The following HPS4 variants were observed in gnomAD, a reference collection of about 807,000 sequenced individuals.
HPS4 encodes BLOC-3 complex member HPS4.
HPS4 carries 44 observed loss-of-function variants against 70.3 expected under a neutral mutation model. The observed-to-expected ratio is 0.63, with a 90% CI of 0.49 to 0.80. HPS4 has a LOEUF of 0.80. Ranked by LOEUF, HPS4 falls within the 30% of genes least tolerant of loss-of-function variation. The pLI is 0.00. For missense variants in HPS4, 873 were observed against 884.4 expected (o/e 0.99, Z 0.16); for synonymous variants, 377 against 355.9 (o/e 1.06, Z -0.67).
At chr22:26,462,544 TATTTCACATATAG>T (rs2087519852) in intron 11 of HPS4, among the ~76,000 whole-genome samples, 1 of 152,214 alleles carries the variant, frequency 6.6e-6, no homozygotes. Flanking sequence ...AGATGCGAAG[TATTTCACATATAG>T]TTGGTGCAGA....
chr22:26,468,414 T>C (rs1048903201), intron 8 of HPS4, 137 bp downstream of exon 8: 9 of 750,782 alleles, frequency 1.2e-5, no homozygotes, highest in African/African-American at 6.9e-5. Context: ...GAGAATGACA[T>C]TGGAGGACTT....
intron 10 of HPS4, 82 bp from the exon 11 acceptor site, chr22:26,464,908 C>T: frequency 3.0e-6 from 4 of 1,350,952 alleles, no homozygotes; most frequent in East Asian, 2.3e-5. Flanking sequence ...GACTAAAGCA[C>T]AGGCATCAAG....
At chr22:26,470,969 G>A (rs1294271283) in intron 6 of HPS4, 156 bp from the exon 7 acceptor site, 9 of 1,482,058 alleles carry the variant, frequency 6.1e-6, no homozygotes, top group Non-Finnish European at 8.3e-6. Flanking sequence ...GCCATGGCTT[G>A]GGACTATTCT....
At chr22:26,480,320 T>C (rs955525939) in intron 2 of HPS4, among the ~76,000 whole-genome samples, 1 of 152,100 alleles carries the variant, frequency 6.6e-6, no homozygotes, top group South Asian at 2.1e-4. Context: ...TACAGGAGTG[T>C]GCCATCATGC....
chr22:26,465,676 T>A, intron 9 of HPS4, 125 bp from the exon 10 acceptor site: 1 of 767,050 alleles, frequency 1.3e-6, no homozygotes, highest in South Asian at 1.5e-5. Flanking sequence ...TGTGAGTGCA[T>A]TCCTCAGCCA....
downstream of HPS4, among the ~76,000 whole-genome samples, chr22:26,446,456 G>A (rs576512667): frequency 3.3e-5 from 5 of 152,226 alleles, no homozygotes; most frequent in South Asian, 4.2e-4. Context: ...GCAGTCACCC[G>A]GGAACTTGTC....
At chr22:26,458,046 C>T (rs2086489802) in intron 12 of HPS4, 79 bp from the exon 13 acceptor site, 1 of 1,168,012 alleles carries the variant, frequency 8.6e-7, no homozygotes, top group Non-Finnish European at 1.2e-6. Flanking sequence ...CAGTACTGAA[C>T]ACGGGGACTG....
intron 13 of HPS4, 71 bp from the exon 14 acceptor site, chr22:26,453,475 G>C: frequency 6.5e-7 from 1 of 1,550,058 alleles, no homozygotes; most frequent in Non-Finnish European, 8.9e-7. Flanking sequence ...AGAGACCTCA[G>C]TAAGGTTCTT....
rs149514935 is a variant in HPS4, at chr22:26,473,708, A to C, written c.277-769T>G. On this transcript the variant is annotated intron_variant, in intron 4 of 13. Coordinates refer to ENST00000398145, the MANE Select transcript of HPS4 (RefSeq NM_022081.6). ...CAGCGAGCCGAGATTGCGCTACTGC[A>C]CTCCAGCCTGGCAACAGAGCGAGAC... Among the ~76,000 whole-genome samples the C allele has an allele frequency of 6.2e-3, 939 of 151,962 alleles. 9 individuals carry two copies. The highest frequency in any genetic ancestry group is 0.021 in the African/African-American group (877 of 41,408).
At chr22:26,483,642 G>A (rs2091556763) in intron 1 of HPS4, 32 bp downstream of exon 1, 3 of 350,282 alleles carry the variant, frequency 8.6e-6, no homozygotes, top group South Asian at 9.1e-5. Flanking sequence ...CCGCCCCTCG[G>A]TATCCCCGCG....
downstream of HPS4, among the ~76,000 whole-genome samples, chr22:26,446,946 G>T (rs993814347): frequency 1.3e-5 from 2 of 152,054 alleles, no homozygotes; most frequent in Non-Finnish European, 2.9e-5. Context: ...GGCTGATCTC[G>T]AACTCCTAAC....
chr22:26,463,004 C>G (rs1411792647), intron 11 of HPS4, among the ~76,000 whole-genome samples: 1 of 152,178 alleles, frequency 6.6e-6, no homozygotes, highest in African/African-American at 2.4e-5. Context: ...GTCACAAGCC[C>G]TGCATGATAG....
Position 26,481,733 on chromosome 22 carries a change from C to T in HPS4, c.30G>A (p.Lys10=). 6.2e-7 allele frequency: 1 copy of T among 1,614,156 alleles called. No individual in the cohort carries two copies. Among genetic ancestry groups the T allele is most frequent in the South Asian group, 1.1e-5 (1 of 91,088 alleles). ...GCCTTGTTACTCACCACGAGGCTGA[C>T]TTTGCCTCTGTGGAGGTAGAGGTGG... MATSTSTEA[K]SASWWNYFFL... The change falls in exon 2 of 14, where the codon AAG becomes AAA. Residue 10 remains lysine, a synonymous_variant. Transcript: ENST00000398145.
At chr22:26,478,440 G>A (rs1037919944) in intron 3 of HPS4, among the ~76,000 whole-genome samples, 8 of 151,820 alleles carry the variant, frequency 5.3e-5, no homozygotes, top group African/African-American at 7.3e-5. Flanking sequence ...GCGTGGTAGC[G>A]GGCGACTGTA....
intron 1 of HPS4, 88 bp downstream of exon 1, chr22:26,483,586 A>C: frequency 4.5e-6 from 1 of 220,828 alleles, no homozygotes; most frequent in Non-Finnish European, 8.8e-6. Context: ...TGGTGGGCGA[A>C]CGCCTAAGGA....
chr22:26,464,782 T>C lies in HPS4; in HGVS notation c.848A>G (p.His283Arg). Residue 283 changes from histidine to arginine, a missense_variant, in exon 11 of 14, where the codon CAC becomes CGC. His to Arg is a conservative substitution (Grantham distance 29, BLOSUM62 0). Coordinates refer to ENST00000398145, the MANE Select transcript of HPS4 (RefSeq NM_022081.6). ...AGATGTGCTCCCACCCTTTGGATGG[T>C]GCTGGGCTGAACCATCCTGGAGTCC... ...PAGLQDGSAQ[H>R]HPKGGSTSAL... 1 of 1,591,280 alleles carries C rather than the reference T, an allele frequency of 6.3e-7. No homozygotes were observed. Among genetic ancestry groups the C allele is most frequent in the South Asian group, 1.2e-5 (1 of 86,522 alleles).
intron 5 of HPS4, 68 bp downstream of exon 5, chr22:26,472,764 C>T: frequency 3.5e-6 from 4 of 1,157,410 alleles, no homozygotes; most frequent in South Asian, 1.2e-5. Context: ...AGAGTAAGTG[C>T]TGCATTCTGG....
At chr22:26,447,469 C>T (rs977200815), downstream of HPS4, among the ~76,000 whole-genome samples, 1 of 152,080 alleles carries the variant, frequency 6.6e-6, no homozygotes, top group African/African-American at 2.4e-5. Flanking sequence ...AGTCCTAATC[C>T]ACTCTGTGAG....
chr22:26,457,816 G>A, intron 13 of HPS4, 43 bp downstream of exon 13: 1 of 1,472,042 alleles, frequency 6.8e-7, no homozygotes, highest in Non-Finnish European at 9.5e-7. Flanking sequence ...CCCATGAGCA[G>A]GACCGTGGAG....
Sources: gnomAD v4.1 joint callset for allele counts (sites outside exome capture counted in the v4.1 genomes callset) on GRCh38, gnomAD v4.1.1 for gene constraint, MANE v1.5 for transcripts, NCBI Gene and HGNC (gene_info 2026-07-23, HGNC 2026-07-21) for gene names.